Variants in MAPKAPK2 observed in about 807,000 individuals in gnomAD.
MAPKAPK2 encodes the protein MAP kinase-activated protein kinase 2.
A neutral mutation model predicts 48.8 loss-of-function variants in MAPKAPK2; 9 were observed. The observed-to-expected ratio is 0.18, with a 90% CI of 0.11 to 0.32. The LOEUF (loss-of-function observed/expected upper bound fraction) is 0.32. Among genes scored for constraint, MAPKAPK2 ranks in the 10% least tolerant of loss-of-function variants. The pLI is 1.00. For synonymous variants in MAPKAPK2, 202 were observed against 190.6 expected, an observed-to-expected ratio of 1.06 and a Z score of -0.49; for missense variants, 331 against 498.3, an observed-to-expected ratio of 0.66 and a Z score of 3.20.
intron 1 of MAPKAPK2, among the ~76,000 whole-genome samples, chr1:206,692,669 C>T (rs1193381213): frequency 6.6e-6 from 1 of 152,242 alleles, no homozygotes; most frequent in East Asian, 1.9e-4. Flanking sequence ...GCCCCAAGGT[C>T]AGCCCATATT....
chr1:206,688,662 G>C lies in MAPKAPK2; in HGVS notation c.279+3154G>C, dbSNP rs574196879. Among the ~76,000 whole-genome samples the C allele has an allele frequency of 7.2e-5, 11 of 152,178 alleles. No individual in the cohort carries two copies. The South Asian group carries it at 2.3e-3, about 32-fold the overall frequency. ...TTTTATTTTTATTTTTTTTGAGACA[G>C]AGTGTTGCTCTGTCGCCCAGGTTAG... On this transcript the variant is annotated intron_variant, in intron 1 of 9. Transcript: ENST00000367103.
chr1:206,719,298 C>T lies in MAPKAPK2; in HGVS notation c.280-9412C>T, dbSNP rs1484722579. ...GTGACAGCTCTGGAGAGGGGGCCGA[C>T]AGGCACAGTGGCCCGCAGTCGAGCC... is the stretch of plus-strand genomic sequence containing the variant. On this transcript the variant is annotated intron_variant, in intron 1 of 9. Coordinates refer to ENST00000367103, the MANE Select transcript of MAPKAPK2 (RefSeq NM_032960.4). 2.6e-5 allele frequency among the ~76,000 whole-genome samples: 4 copies of T among 152,314 alleles called. No homozygotes were observed. The South Asian group carries it at 6.2e-4, about 24-fold the overall frequency.
In MAPKAPK2 at chr1:206,704,169, T is replaced by G. The variant is rs1392480335; in HGVS notation, c.279+18661T>G. On this transcript the variant is annotated intron_variant, in intron 1 of 9. Transcript: ENST00000367103. This position sits in a 1 kb window ranked among gnomAD's most constrained non-coding sequence, Gnocchi z 4.3. ...TCCTGGAGTTGGGGAGGGGTCCTAC[T>G]TTCAGATCCAAAAGAAAATCTGAGA... 1.3e-5 allele frequency among the ~76,000 whole-genome samples: 2 copies of G among 152,262 alleles called. No individual in the cohort carries two copies. Among genetic ancestry groups the G allele is most frequent in the Non-Finnish European group, 2.9e-5 (2 of 68,046 alleles).
At chr1:206,693,056 T>C (rs548936586) in intron 1 of MAPKAPK2, among the ~76,000 whole-genome samples, 1 of 152,322 alleles carries the variant, frequency 6.6e-6, no homozygotes, top group Admixed American at 6.5e-5. Context: ...TCCTCCACTT[T>C]CGTCCTCCGG....
At chr1:206,719,349 C>T (rs782780554) in intron 1 of MAPKAPK2, among the ~76,000 whole-genome samples, 4 of 152,140 alleles carry the variant, frequency 2.6e-5, no homozygotes, top group Admixed American at 6.5e-5. Context: ...GGCAGTGACG[C>T]GTGGTTGTTT....
chr1:206,723,517 C>T (rs370262329), intron 1 of MAPKAPK2, among the ~76,000 whole-genome samples: 6 of 152,276 alleles, frequency 3.9e-5, no homozygotes, highest in East Asian at 3.9e-4. Context: ...TGAGCAGTGG[C>T]GCTTGTGAAG....
chr1:206,712,962 TCACACACACACACACA>T (rs58379967), intron 1 of MAPKAPK2, among the ~76,000 whole-genome samples: 6 of 112,304 alleles, frequency 5.3e-5, no homozygotes, highest in East Asian at 5.7e-4. Context: ...TGAGACTCCA[TCACACACACACACACA>T]CACACACACA....
chr1:206,719,607 G>A (rs539614342), intron 1 of MAPKAPK2, among the ~76,000 whole-genome samples: 34 of 152,272 alleles, frequency 2.2e-4, no homozygotes, highest in Middle Eastern at 3.4e-3. Flanking sequence ...GAGAACCATC[G>A]TCACTCCTCA....
Position 206,704,998 on chromosome 1 carries a change from A to G in MAPKAPK2, c.279+19490A>G, listed in dbSNP as rs1411712997. 2.0e-5 allele frequency among the ~76,000 whole-genome samples: 3 copies of G among 152,224 alleles called. No homozygotes were observed. The highest frequency in any genetic ancestry group is 7.2e-5 in the African/African-American group (3 of 41,470). The stretch of plus-strand genomic sequence containing the variant: ...AATTAAAAGCTCTGAGAAGTTCTAC[A>G]GTGAAAGAATCTGTTTAACTTTGTT... On this transcript the variant is annotated intron_variant, in intron 1 of 9. Coordinates refer to ENST00000367103, the MANE Select transcript of MAPKAPK2 (RefSeq NM_032960.4). This position sits in a 1 kb window ranked among gnomAD's most constrained non-coding sequence, Gnocchi z 4.3.
chr1:206,711,442 G>T (rs1673136883), intron 1 of MAPKAPK2, among the ~76,000 whole-genome samples: 1 of 151,870 alleles, frequency 6.6e-6, no homozygotes, highest in African/African-American at 2.4e-5. Flanking sequence ...ATAGAGATGG[G>T]GTTTCGCCAT....
At chr1:206,685,548 CG>C in intron 1 of MAPKAPK2, 40 bp downstream of exon 1, 1 of 1,436,590 alleles carries the variant, frequency 7.0e-7, no homozygotes, top group South Asian at 1.3e-5. Context: ...GGGCCGGTCC[CG>C]GGCCCTGGAG....
Position 206,732,968 on chromosome 1 carries a change from A to C in MAPKAPK2, c.*250A>C. On this transcript the variant is annotated 3_prime_UTR_variant, in exon 10 of 10. Coordinates refer to ENST00000367103, the MANE Select transcript of MAPKAPK2 (RefSeq NM_032960.4). The surrounding 1 kb of genome is among the most constrained non-coding windows in gnomAD (Gnocchi z 4.4). Reference sequence around the variant, plus strand: ...GAACCTGTGCTCATTTTGCAATTTTATCAGTAATTTGACTTAGAGTTTTTA... The same window carrying C: ...GAACCTGTGCTCATTTTGCAATTTTCTCAGTAATTTGACTTAGAGTTTTTA... 1 of 471,812 alleles carries C rather than the reference A, an allele frequency of 2.1e-6. No individual in the cohort carries two copies. Among genetic ancestry groups the C allele is most frequent in the Non-Finnish European group, 3.8e-6 (1 of 265,780 alleles). The allele number at this position is 471,812 out of a possible 1,614,324, so 29.2% of individuals were successfully genotyped here. A position where few individuals can be genotyped will look rare whatever the true frequency, so the allele number is the denominator to read the frequency against.
intron 1 of MAPKAPK2, among the ~76,000 whole-genome samples, chr1:206,707,709 TG>T (rs782649584): frequency 5.3e-5 from 8 of 152,060 alleles, no homozygotes; most frequent in Non-Finnish European, 1.0e-4. Context: ...TGGGTGTGTG[TG>T]GGGGTTTGGG....
At chr1:206,707,267 C>T (rs535952234) in intron 1 of MAPKAPK2, among the ~76,000 whole-genome samples, 1 of 152,136 alleles carries the variant, frequency 6.6e-6, no homozygotes, top group South Asian at 2.1e-4. Context: ...TTCCTCCAGG[C>T]CCCCACTAAG....
chr1:206,729,825 GCTGCCACTCCTCGT>G, intron 4 of MAPKAPK2, 133 bp from the exon 5 acceptor site: 1 of 959,360 alleles, frequency 1.0e-6, no homozygotes, highest in South Asian at 1.6e-5. Context: ...CCCATAGAGA[GCTGCCACTCCTCGT>G]GGTGGGCAGT....
chr1:206,714,053 G>A (rs1553429934), intron 1 of MAPKAPK2, among the ~76,000 whole-genome samples: 1 of 152,190 alleles, frequency 6.6e-6, no homozygotes, highest in African/African-American at 2.4e-5. Flanking sequence ...AGATAGTGAT[G>A]TCATTGCCGT....
rs908397774 is a variant in MAPKAPK2 at position 206,729,599 on chromosome 1, C to T, written c.564+124C>T. 59 of 855,790 alleles carry T rather than the reference C, an allele frequency of 6.9e-5. No homozygotes were observed. The Admixed American group carries it at 1.1e-3, about 17-fold the overall frequency. The allele number at this position is 855,790 out of a possible 1,614,324, so 53.0% of individuals were successfully genotyped here. A position where few individuals can be genotyped will look rare whatever the true frequency, so the allele number is the denominator to read the frequency against. Reference sequence around the variant, plus strand: ...CTGCCTGGTTCCTGAGCATGCCATTCTCTGCCTTGTAGGGCCTTGCCCTCT... The same window carrying T: ...CTGCCTGGTTCCTGAGCATGCCATTTTCTGCCTTGTAGGGCCTTGCCCTCT... On this transcript the variant is annotated intron_variant, in intron 4 of 9. Coordinates refer to ENST00000367103, the MANE Select transcript of MAPKAPK2 (RefSeq NM_032960.4).
chr1:206,701,174 T>G (rs1672782263), intron 1 of MAPKAPK2, among the ~76,000 whole-genome samples: 1 of 152,238 alleles, frequency 6.6e-6, no homozygotes, highest in Non-Finnish European at 1.5e-5. Flanking sequence ...TGGATCCCAC[T>G]GAGAATACAG....
chr1:206,690,860 G>A (rs1672435170), intron 1 of MAPKAPK2, among the ~76,000 whole-genome samples: 1 of 152,230 alleles, frequency 6.6e-6, no homozygotes, highest in Admixed American at 6.5e-5. Context: ...TGTCTGTGGT[G>A]CAGGATTCAC....
Sources: gnomAD v4.1 joint callset for allele counts (sites outside exome capture counted in the v4.1 genomes callset) on GRCh38, gnomAD v4.1.1 for gene constraint, Gnocchi (gnomAD v3.1) non-coding constraint, MANE v1.5 for transcripts, NCBI Gene and HGNC (gene_info 2026-07-23, HGNC 2026-07-21) for gene names.